The following TCF7L1 variants were observed in gnomAD, a reference collection of about 807,000 sequenced individuals.
The protein encoded by TCF7L1 is transcription factor 7 like 1.
In TCF7L1, 18 loss-of-function variants were observed where a neutral mutation model predicts 63.7. That is an observed-to-expected ratio of 0.28 (90% CI 0.20 to 0.42). The LOEUF is 0.42. Ranked by LOEUF, TCF7L1 falls within the 10% of genes least tolerant of loss-of-function variation. The pLI is 1.00. For synonymous variants in TCF7L1, 355 were observed against 340.9 expected (o/e 1.04, Z -0.46); for missense variants, 654 against 779.3 (o/e 0.84, Z 1.91).
At chr2:85,276,585 C>T (rs948702898) in intron 3 of TCF7L1, among the ~76,000 whole-genome samples, 4 of 152,204 alleles carry the variant, frequency 2.6e-5, no homozygotes, top group African/African-American at 9.7e-5. Flanking sequence ...CTTTCCTGGA[C>T]TACGGCAAAT....
rs148854874 is a variant in TCF7L1, at chr2:85,204,750, T to C, written c.441+70300T>C. Reference sequence around the variant, plus strand: ...AAGGCTTTGTGAAATTACACTGTAATGAATAGTATGGGAGTGATACCCTTG... The same window carrying C: ...AAGGCTTTGTGAAATTACACTGTAACGAATAGTATGGGAGTGATACCCTTG... On this transcript the variant is annotated intron_variant, in intron 3 of 11. Coordinates refer to ENST00000282111, the MANE Select transcript of TCF7L1 (RefSeq NM_031283.3). 8.2e-3 allele frequency among the ~76,000 whole-genome samples: 1,255 copies of C among 152,308 alleles called. 9 individuals carry two copies. Among genetic ancestry groups the C allele is most frequent in the Middle Eastern group, 0.02 (6 of 294 alleles).
chr2:85,172,813 G>T (rs1678579411), intron 3 of TCF7L1, among the ~76,000 whole-genome samples: 1 of 151,940 alleles, frequency 6.6e-6, no homozygotes, highest in Non-Finnish European at 1.5e-5. Context: ...CCTCAGTGAG[G>T]CCTCCCCTGA....
At position 85,200,734 on chromosome 2, in the gene TCF7L1, G is replaced by A. The variant is rs532444650; in HGVS notation, c.441+66284G>A. Among the ~76,000 whole-genome samples the A allele has an allele frequency of 7.9e-5, 12 of 152,268 alleles. No individual in the cohort carries two copies. The South Asian group carries it at 1.9e-3, about 24-fold the overall frequency. On this transcript the variant is annotated intron_variant, in intron 3 of 11. Coordinates refer to ENST00000282111, the MANE Select transcript of TCF7L1 (RefSeq NM_031283.3). ...ACACGATGAAAACTACATGAGAACC[G>A]CAAGAGATCACTTTTTACTGGAATA... is the stretch of plus-strand genomic sequence containing the variant.
chr2:85,302,620 AGTC>A lies in TCF7L1; in HGVS notation c.658+8_658+10del. On this transcript the variant is annotated splice_donor_5th_base_variant and intron_variant, in intron 5 of 11. Coordinates refer to ENST00000282111, the MANE Select transcript of TCF7L1 (RefSeq NM_031283.3). ...CCAGAGATCGATCCAAAGACAGGTA[AGTC>A]GTCTGCCACTCAGGCAGTGCTGCTG... is the stretch of plus-strand genomic sequence containing the variant. The A allele has an allele frequency of 6.2e-7, 1 of 1,613,048 alleles. No homozygotes were observed.
At chr2:85,289,128 G>A (rs1377843138) in intron 4 of TCF7L1, among the ~76,000 whole-genome samples, 1 of 152,102 alleles carries the variant, frequency 6.6e-6, no homozygotes, top group Non-Finnish European at 1.5e-5. Context: ...TGCATGCACT[G>A]TGTAGAACTC....
chr2:85,191,269 G>T (rs779524935), intron 3 of TCF7L1, among the ~76,000 whole-genome samples: 56 of 152,262 alleles, frequency 3.7e-4, no homozygotes, highest in Non-Finnish European at 6.5e-4. Flanking sequence ...GAGTTAGGTT[G>T]CCCCATGGCT....
chr2:85,306,578 C>G lies in TCF7L1; in HGVS notation c.1257+19C>G. 8.1e-6 allele frequency: 13 copies of G among 1,608,832 alleles called. No homozygotes were observed. The highest frequency in any genetic ancestry group is 1.1e-5 in the Non-Finnish European group (13 of 1,175,334). ...CAACTATGTAAGTGCACACTCTGGG[C>G]AGAGGACGCTCAGACCCCAGGAACA... is the stretch of plus-strand genomic sequence containing the variant. On this transcript the variant is annotated intron_variant, in intron 10 of 11. Coordinates refer to ENST00000282111, the MANE Select transcript of TCF7L1 (RefSeq NM_031283.3). This position sits in a 1 kb window ranked among gnomAD's most constrained non-coding sequence, Gnocchi z 4.3.
intron 3 of TCF7L1, among the ~76,000 whole-genome samples, chr2:85,263,574 A>G (rs1424320839): frequency 3.3e-5 from 5 of 152,238 alleles, no homozygotes; most frequent in Non-Finnish European, 7.3e-5. Context: ...GTCCTGGTTT[A>G]CATCATCCAT....
At chr2:85,140,921 A>C (rs1677722122) in intron 3 of TCF7L1, among the ~76,000 whole-genome samples, 1 of 152,118 alleles carries the variant, frequency 6.6e-6, no homozygotes, top group African/African-American at 2.4e-5. Flanking sequence ...GACAGAAGAG[A>C]GAAAGAAAAG....
At chr2:85,182,585 T>C (rs1678829655) in intron 3 of TCF7L1, among the ~76,000 whole-genome samples, 3 of 152,200 alleles carry the variant, frequency 2.0e-5, no homozygotes, top group African/African-American at 7.2e-5. Flanking sequence ...TACCAGCTTT[T>C]GATGCTAGAA....
At chr2:85,196,476 G>T (rs1679160905) in intron 3 of TCF7L1, among the ~76,000 whole-genome samples, 1 of 152,066 alleles carries the variant, frequency 6.6e-6, no homozygotes, top group South Asian at 2.1e-4. Context: ...ATTACCTGGG[G>T]AGCTTGGATG....
intron 3 of TCF7L1, among the ~76,000 whole-genome samples, chr2:85,180,963 G>A (rs1240783289): frequency 1.3e-5 from 2 of 152,170 alleles, no homozygotes; most frequent in Non-Finnish European, 2.9e-5. Flanking sequence ...AACAGACGGT[G>A]GCCTTCCCCT....
intron 3 of TCF7L1, among the ~76,000 whole-genome samples, chr2:85,266,675 G>A (rs1660103783): frequency 6.6e-6 from 1 of 152,232 alleles, no homozygotes; most frequent in African/African-American, 2.4e-5. Flanking sequence ...TGGAGCTGTT[G>A]AGCATGCTCT....
chr2:85,176,336 A>G (rs906933399), intron 3 of TCF7L1, among the ~76,000 whole-genome samples: 2 of 152,230 alleles, frequency 1.3e-5, no homozygotes, highest in African/African-American at 4.8e-5. Flanking sequence ...TGAGCTCCCC[A>G]GTGTCTGCAG....
At chr2:85,256,972 G>A (rs1481868212) in intron 3 of TCF7L1, among the ~76,000 whole-genome samples, 2 of 137,582 alleles carry the variant, frequency 1.5e-5, no homozygotes, top group Non-Finnish European at 3.2e-5. Context: ...GACAGAGTGA[G>A]ACTCTGTCTT....
chr2:85,160,920 C>T (rs1574084251), intron 3 of TCF7L1, among the ~76,000 whole-genome samples: 2 of 152,266 alleles, frequency 1.3e-5, no homozygotes, highest in East Asian at 1.9e-4. Context: ...AATGAGAACC[C>T]GCACATCATT....
At chr2:85,297,186 A>G (rs1044950429) in intron 4 of TCF7L1, among the ~76,000 whole-genome samples, 1 of 152,232 alleles carries the variant, frequency 6.6e-6, no homozygotes, top group Non-Finnish European at 1.5e-5. Context: ...CCCAAGAATG[A>G]CAAATCCTGT....
At chr2:85,198,705 C>CA (rs1464590249) in intron 3 of TCF7L1, among the ~76,000 whole-genome samples, 1 of 151,996 alleles carries the variant, frequency 6.6e-6, no homozygotes, top group Non-Finnish European at 1.5e-5. Flanking sequence ...CCCGTCTCTA[C>CA]AAAAAATTAG....
chr2:85,258,075 ATGAGGAT>A (rs1680763609), intron 3 of TCF7L1, among the ~76,000 whole-genome samples: 1 of 152,186 alleles, frequency 6.6e-6, no homozygotes, highest in South Asian at 2.1e-4. Flanking sequence ...AGTAGGGCTG[ATGAGGAT>A]TAAGTGGAAA....
Sources: allele counts gnomAD v4.1 joint callset (sites outside exome capture counted in the v4.1 genomes callset), GRCh38; gene constraint gnomAD v4.1.1; non-coding constraint Gnocchi (gnomAD v3.1); transcripts MANE v1.5; gene names NCBI Gene and HGNC (gene_info 2026-07-23, HGNC 2026-07-21).